The following NYNRIN variants were observed in gnomAD, a reference collection of about 807,000 sequenced individuals.
The protein encoded by NYNRIN is NYN domain and retroviral integrase containing, also known as protein NYNRIN.
A neutral mutation model predicts 146.6 loss-of-function variants in NYNRIN; 86 were observed. That is an observed-to-expected ratio of 0.59 (90% confidence interval 0.49 to 0.70). The LOEUF (loss-of-function observed/expected upper bound fraction) is 0.70. NYNRIN is among the 30% of genes least tolerant of loss of function. The pLI, the probability that NYNRIN is intolerant of heterozygous loss-of-function variation, is 0.00. For missense variants in NYNRIN, 2,191 were observed against 2,377.7 expected, an observed-to-expected ratio of 0.92 and a Z score of 1.63; for synonymous variants, 1,027 against 1,001.3, an observed-to-expected ratio of 1.03 and a Z score of -0.48.
chr14:24,416,024 G>T lies in NYNRIN; in HGVS notation c.4275G>T (p.Pro1425=). 4 of 1,613,958 alleles carry T rather than the reference G, an allele frequency of 2.5e-6. No homozygotes were observed. The highest frequency in any genetic ancestry group is 1.1e-5 in the South Asian group (1 of 91,084). The change falls in exon 9 of 9, where the codon CCG becomes CCT. Residue 1425 remains proline (P), a synonymous_variant. Coordinates refer to ENST00000382554, the MANE Select transcript of NYNRIN (RefSeq NM_025081.3). Reference sequence around the variant, plus strand: ...TCACCTCTGGCCTCTCATCCCTTCCGTTTATCTACCGAACCTCCTACCGGG... The same window carrying T: ...TCACCTCTGGCCTCTCATCCCTTCCTTTTATCTACCGAACCTCCTACCGGG... ...ISLTSGLSSL[P]FIYRTSYRGS...
At chr14:24,414,190 G>T (rs1434635068) in intron 8 of NYNRIN, among the ~76,000 whole-genome samples, 1 of 152,226 alleles carries the variant, frequency 6.6e-6, no homozygotes, top group African/African-American at 2.4e-5. Flanking sequence ...TGTGGATGAG[G>T]TTTGTCTGCT....
In NYNRIN at chr14:24,399,053, A is replaced by C; in HGVS notation, c.-51A>C. 1.9e-6 allele frequency: 1 copy of C among 533,562 alleles called. No individual in the cohort carries two copies. The highest frequency in any genetic ancestry group is 3.2e-6 in the Non-Finnish European group (1 of 307,966). The allele number at this position is 533,562 out of a possible 1,614,324, so 33.1% of individuals were successfully genotyped here. ...GCGGTAGCAGCGGTCGAAGGGGACCAAGCTCCAGAGGGCGGGCGCCCGAGC... is the reference window on the plus strand; with the variant it reads ...GCGGTAGCAGCGGTCGAAGGGGACCCAGCTCCAGAGGGCGGGCGCCCGAGC... On this transcript the variant is annotated 5_prime_UTR_variant, in exon 1 of 9. Transcript: ENST00000382554.
Position 24,417,394 on chromosome 14 carries a change from A to G in NYNRIN, c.5645A>G (p.Lys1882Arg), listed in dbSNP as rs1194337988. ...LGCIYPSSLM[K>R]AFAKSGTPLS... ...TGCATCTATCCCAGCAGTCTGATGAAGGCCTTTGCCAAGAGTGGCACCCCG... is the reference window on the plus strand; with the variant it reads ...TGCATCTATCCCAGCAGTCTGATGAGGGCCTTTGCCAAGAGTGGCACCCCG... The change falls in exon 9 of 9, where the codon AAG (lysine) becomes AGG (arginine). Residue 1882 changes from lysine (K) to arginine (R), a missense_variant. Physicochemically the swap from Lys to Arg is conservative, Grantham distance 26. Transcript: ENST00000382554. 1.3e-6 allele frequency: 2 copies of G among 1,565,936 alleles called. No individual in the cohort carries two copies. Among genetic ancestry groups the G allele is most frequent in the African/African-American group, 2.7e-5 (2 of 73,718 alleles).
At chr14:24,400,011 C>A (rs1227864205) in intron 2 of NYNRIN, among the ~76,000 whole-genome samples, 1 of 152,120 alleles carries the variant, frequency 6.6e-6, no homozygotes, top group Non-Finnish European at 1.5e-5. Flanking sequence ...GGGTAAGGGG[C>A]CTGGCTGAGT....
rs2042898257 is a variant in NYNRIN at position 24,409,645 on chromosome 14, G to A, written c.1851G>A (p.Val617=). 3.1e-6 allele frequency: 5 copies of A among 1,606,996 alleles called. No individual in the cohort carries two copies. Among genetic ancestry groups the A allele is most frequent in the Non-Finnish European group, 4.2e-6 (5 of 1,176,682 alleles). ...ATCAACCAGTGTTGGTAGCTCAAGTGGAACCCACAACTCCAAAAACTCCCC... is the reference window on the plus strand; with the variant it reads ...ATCAACCAGTGTTGGTAGCTCAAGTAGAACCCACAACTCCAAAAACTCCCC... ...VVNQPVLVAQ[V]EPTTPKTPQA... The change falls in exon 4 of 9, where the codon GTG becomes GTA. Residue 617 remains valine, a synonymous_variant. Transcript: ENST00000382554.
At position 24,415,846 on chromosome 14, in the gene NYNRIN, G is replaced by T; in HGVS notation, c.4097G>T (p.Gly1366Val). The change falls in exon 9 of 9, where the codon GGC (glycine) becomes GTC (valine). Residue 1366 changes from glycine (G) to valine (V), a missense_variant. Gly to Val is a moderately radical substitution (Grantham distance 109). Around this residue, in one of 3 missense-constraint regions of NYNRIN, gnomAD observed 1,291 missense variants for 1,417.0 expected, o/e 0.91. Transcript: ENST00000382554. The part of the protein sequence containing the change: ...AAVACGLERF[G>V]QSPLPVVFLT... ...GTGGCCTGCGGCCTGGAGCGCTTTGGCCAGTCCCCACTCCCAGTGGTTTTC... is the reference window on the plus strand; with the variant it reads ...GTGGCCTGCGGCCTGGAGCGCTTTGTCCAGTCCCCACTCCCAGTGGTTTTC... The T allele has an allele frequency of 6.2e-7, 1 of 1,613,966 alleles. No homozygotes were observed. Among genetic ancestry groups the T allele is most frequent in the South Asian group, 1.1e-5 (1 of 91,082 alleles).
chr14:24,404,843 A>G (rs923023245), intron 2 of NYNRIN, among the ~76,000 whole-genome samples: 22 of 152,120 alleles, frequency 1.4e-4, no homozygotes, highest in African/African-American at 4.8e-4. Flanking sequence ...CTTGCATTGT[A>G]TACATCATTC....
chr14:24,402,288 T>C (rs2042848921), intron 2 of NYNRIN, among the ~76,000 whole-genome samples: 1 of 151,712 alleles, frequency 6.6e-6, no homozygotes, highest in Non-Finnish European at 1.5e-5. Flanking sequence ...AATCAGTGAG[T>C]GGAGAGGCGG....
chr14:24,409,744 A>G lies in NYNRIN; in HGVS notation c.1950A>G (p.Ala650=), dbSNP rs1365670019. Residue 650 remains alanine, a synonymous_variant, in exon 4 of 9, where the codon GCA becomes GCG. Coordinates refer to ENST00000382554, the MANE Select transcript of NYNRIN (RefSeq NM_025081.3). ...PKTPKAQAGP[A]ATVSKAPAAS... Reference sequence around the variant, plus strand: ...CACCCAAAGCTCAAGCCGGGCCTGCAGCTACAGTTTCCAAAGCACCTGCAG... The same window carrying G: ...CACCCAAAGCTCAAGCCGGGCCTGCGGCTACAGTTTCCAAAGCACCTGCAG... 3 of 1,610,044 alleles carry G rather than the reference A, an allele frequency of 1.9e-6. No individual in the cohort carries two copies. Among genetic ancestry groups the G allele is most frequent in the Non-Finnish European group, 2.5e-6 (3 of 1,178,168 alleles).
chr14:24,401,500 G>A (rs866596531), intron 2 of NYNRIN, among the ~76,000 whole-genome samples: 6 of 152,152 alleles, frequency 3.9e-5, no homozygotes, highest in African/African-American at 4.8e-5. Flanking sequence ...CTGTCACCAA[G>A]TTACAACCAA....
rs1215767010 is a variant in NYNRIN, at chr14:24,415,955, G to A, written c.4206G>A (p.Gly1402=). Reference sequence around the variant, plus strand: ...CTCGGGGCTTCCTCTCCTCTGATGGGGCTCCACTCCCTCACCCAAGCCTGC... The same window carrying A: ...CTCGGGGCTTCCTCTCCTCTGATGGAGCTCCACTCCCTCACCCAAGCCTGC... The part of the protein sequence containing the change: ...WRARGFLSSD[G]APLPHPSLLS... Residue 1402 remains glycine (G), a synonymous_variant, in exon 9 of 9, where the codon GGG becomes GGA. Coordinates refer to ENST00000382554, the MANE Select transcript of NYNRIN (RefSeq NM_025081.3). The A allele has an allele frequency of 1.2e-6, 2 of 1,613,852 alleles. No homozygotes were observed. Among genetic ancestry groups the A allele is most frequent in the Non-Finnish European group, 1.7e-6 (2 of 1,179,890 alleles).
Position 24,409,151 on chromosome 14 carries a change from T to G in NYNRIN, c.1357T>G (p.Ser453Ala), listed in dbSNP as rs1320570953. 6.2e-7 allele frequency: 1 copy of G among 1,613,902 alleles called. No individual in the cohort carries two copies. The change falls in exon 4 of 9, where the codon TCC (serine) becomes GCC (alanine). Residue 453 changes from serine (S) to alanine (A), a missense_variant. Ser to Ala is a moderately conservative substitution (Grantham distance 99). Around this residue, in one of 3 missense-constraint regions of NYNRIN, gnomAD observed 895 missense variants for 941.2 expected, o/e 0.95. Transcript: ENST00000382554. ...GCAGAATTGCCCAAGGCCAGAGATT[T>G]CCCCAAAAGTTACGAGTTTATTGGT... is the stretch of plus-strand genomic sequence containing the variant. The part of the protein sequence containing the change: ...ALQNCPRPEI[S>A]PKVTSLLVVP...
At position 24,416,444 on chromosome 14, in the gene NYNRIN, G is replaced by T. The variant is rs1261134700; in HGVS notation, c.4695G>T (p.Lys1565Asn). The stretch of plus-strand genomic sequence containing the variant: ...AGAGGCCCGAAGAGACCTACAAGAA[G>T]TTGCGTTTGCTGGGGTGGTGGCCTG... Reference protein sequence around the residue: ...AHQRPEETYKKLRLLGWWPGM... With the variant: ...AHQRPEETYKNLRLLGWWPGM... The change falls in exon 9 of 9, where the codon AAG (lysine) becomes AAT (asparagine). Residue 1565 changes from lysine to asparagine, a missense_variant. Coordinates refer to ENST00000382554, the MANE Select transcript of NYNRIN (RefSeq NM_025081.3). 9 of 1,613,140 alleles carry T rather than the reference G, an allele frequency of 5.6e-6. No homozygotes were observed. In the Middle Eastern group the frequency reaches 4.9e-4, roughly 88 times the overall value.
intron 4 of NYNRIN, 27 bp downstream of exon 4, chr14:24,410,235 C>T (rs762933933): frequency 6.6e-6 from 10 of 1,519,058 alleles, no homozygotes; most frequent in Admixed American, 5.5e-5. Context: ...GTGGGGTGGG[C>T]TGGGGATGCT....
intron 7 of NYNRIN, 56 bp downstream of exon 7, chr14:24,413,154 C>T (rs2042922860): frequency 2.8e-6 from 4 of 1,434,934 alleles, no homozygotes; most frequent in African/African-American, 1.4e-5. Flanking sequence ...TCAGGCAGCC[C>T]CTGGCATGGG....
Position 24,416,511 on chromosome 14 carries a change from T to G in NYNRIN, c.4762T>G (p.Phe1588Val). 6.2e-7 allele frequency: 1 copy of G among 1,613,808 alleles called. No individual in the cohort carries two copies. The highest frequency in any genetic ancestry group is 8.5e-7 in the Non-Finnish European group (1 of 1,179,816). Residue 1588 changes from phenylalanine to valine, a missense_variant, in exon 9 of 9, where the codon TTC (phenylalanine) becomes GTC (valine). By Grantham distance (50) the Phe-to-Val change is conservative. Transcript: ENST00000382554. ...GAAAGATTACTGCAGGAGCTGCTTG[T>G]TCTGCATCCCCCGAAATCTCATAGG... Reference protein sequence around the residue: ...HVKDYCRSCLFCIPRNLIGSE... With the variant: ...HVKDYCRSCLVCIPRNLIGSE...
Position 24,416,842 on chromosome 14 carries a change from G to C in NYNRIN, c.5093G>C (p.Gly1698Ala). 1 of 1,609,390 alleles carries C rather than the reference G, an allele frequency of 6.2e-7. No individual in the cohort carries two copies. The highest frequency in any genetic ancestry group is 8.5e-7 in the Non-Finnish European group (1 of 1,177,138). ...CTTGTGAGCTGTGGGCTGGCCCTGGGAGCCCAGGTGGCCTCCCTGAGTCGG... is the reference window on the plus strand; with the variant it reads ...CTTGTGAGCTGTGGGCTGGCCCTGGCAGCCCAGGTGGCCTCCCTGAGTCGG... The part of the protein sequence containing the change: ...HVLVSCGLAL[G>A]AQVASLSRDL... The change falls in exon 9 of 9, where the codon GGA becomes GCA. Residue 1698 changes from glycine to alanine, a missense_variant. Gly to Ala is a moderately conservative substitution (Grantham distance 60). Coordinates refer to ENST00000382554, the MANE Select transcript of NYNRIN (RefSeq NM_025081.3).
At position 24,417,558 on chromosome 14, in the gene NYNRIN, G is replaced by T. The variant is rs907820751; in HGVS notation, c.*112G>T. The T allele has an allele frequency of 2.2e-6, 3 of 1,346,886 alleles. No individual in the cohort carries two copies. In the African/African-American group the frequency reaches 4.4e-5, roughly 20 times the overall value. 83.4% of individuals were successfully genotyped at this position (1,346,886 alleles called of 1,614,324 possible). On this transcript the variant is annotated 3_prime_UTR_variant, in exon 9 of 9. Coordinates refer to ENST00000382554, the MANE Select transcript of NYNRIN (RefSeq NM_025081.3). ...CTGGGGGCCCTCAGTTGTGCCTTTTGTAGAGAACTTGCTTCATAAAGCTTT... is the reference window on the plus strand; with the variant it reads ...CTGGGGGCCCTCAGTTGTGCCTTTTTTAGAGAACTTGCTTCATAAAGCTTT...
In NYNRIN at chr14:24,411,490, G is replaced by A. The variant is rs1198632004; in HGVS notation, c.2642+40G>A. 3.8e-6 allele frequency: 6 copies of A among 1,567,878 alleles called. No individual in the cohort carries two copies. The highest frequency in any genetic ancestry group is 4.4e-6 in the Non-Finnish European group (5 of 1,138,534). On this transcript the variant is annotated intron_variant, in intron 6 of 8. Transcript: ENST00000382554. This position sits in a 1 kb window ranked among gnomAD's most constrained non-coding sequence, Gnocchi z 4.3. The stretch of plus-strand genomic sequence containing the variant: ...AGGCCTGCCCTCCTGGGCTCAGGGA[G>A]TTGGGCCTGGCTGGTGTGTCAGGTG...
Sources: gnomAD v4.1 joint callset for allele counts (sites outside exome capture counted in the v4.1 genomes callset) on GRCh38, gnomAD v4.1.1 for gene constraint, gnomAD v4.1.1 regional missense constraint, Gnocchi (gnomAD v3.1) non-coding constraint, MANE v1.5 for transcripts, NCBI Gene and HGNC (gene_info 2026-07-23, HGNC 2026-07-21) for gene names.